Variants in SETD2 observed in about 807,000 individuals in gnomAD.
SETD2 encodes histone-lysine N-methyltransferase SETD2.
Under a neutral mutation model 242.1 loss-of-function variants are expected in SETD2, and 31 were observed. The ratio of observed to expected loss-of-function variants is 0.13; its 90% CI spans 0.10 to 0.17. The LOEUF is 0.17. Among genes scored for constraint, SETD2 ranks in the 10% least tolerant of loss-of-function variants. The pLI is 1.00. For missense variants in SETD2, 2,481 were observed against 3,046.3 expected, an observed-to-expected ratio of 0.81 and a Z score of 4.37; for synonymous variants, 1,006 against 1,066.5, an observed-to-expected ratio of 0.94 and a Z score of 1.11.
At chr3:47,130,292 T>C (rs1444877288) in intron 1 of SETD2, among the ~76,000 whole-genome samples, 1 of 151,966 alleles carries the variant, frequency 6.6e-6, no homozygotes, top group East Asian at 1.9e-4. Context: ...AGGGACAAGA[T>C]ATTGGGGGCT....
chr3:47,051,976 G>A (rs924830615), intron 15 of SETD2, among the ~76,000 whole-genome samples: 4 of 152,080 alleles, frequency 2.6e-5, no homozygotes, highest in Admixed American at 6.5e-5. Flanking sequence ...TCCAAATGTT[G>A]GCTGGGAGAT....
chr3:47,105,288 T>C (rs2042365681), intron 6 of SETD2, among the ~76,000 whole-genome samples: 3 of 151,554 alleles, frequency 2.0e-5, no homozygotes, highest in South Asian at 4.2e-4. Context: ...TGTGTGCCTG[T>C]AGTCCCAGCT....
At chr3:47,062,867 C>G (rs1029422210) in intron 13 of SETD2, among the ~76,000 whole-genome samples, 2 of 151,980 alleles carry the variant, frequency 1.3e-5, no homozygotes, top group Non-Finnish European at 2.9e-5. Flanking sequence ...TGCTTAAGCC[C>G]AGGAGTTCAA....
chr3:47,118,434 T>C (rs2042945365), intron 3 of SETD2, among the ~76,000 whole-genome samples: 1 of 152,064 alleles, frequency 6.6e-6, no homozygotes, highest in Non-Finnish European at 1.5e-5. Flanking sequence ...AAATTTTGAA[T>C]ATATAGGCCA....
intron 3 of SETD2, among the ~76,000 whole-genome samples, chr3:47,118,374 G>A (rs1008422879): frequency 2.0e-5 from 3 of 152,194 alleles, no homozygotes; most frequent in East Asian, 1.9e-4. Context: ...TTTTATAAGA[G>A]TTTGTCTTCT....
At chr3:47,140,792 G>T (rs1455888547) in intron 1 of SETD2, among the ~76,000 whole-genome samples, 2 of 152,110 alleles carry the variant, frequency 1.3e-5, no homozygotes. Flanking sequence ...ATCCCAGTGG[G>T]GTGGAGGTTG....
chr3:47,086,442 C>A, intron 10 of SETD2, 128 bp from the exon 11 acceptor site: 1 of 814,484 alleles, frequency 1.2e-6, no homozygotes, highest in East Asian at 2.9e-5. Context: ...CAAAAAAAAC[C>A]TAGAAACTCT....
rs769273671 is a variant in SETD2 at position 47,122,231 on chromosome 3, G to C, written c.2405C>G (p.Pro802Arg). ...DIYCTLNDSN[P>R]SLCNSEAENI... is the part of the protein sequence containing the mutation. ...TTCAGCTTCAGAGTTACACAAAGAA[G>C]GGTTGCTATCGTTCAAAGTACAGTA... The change falls in exon 3 of 21, where the codon CCT becomes CGT. Residue 802 changes from proline to arginine, a missense_variant. Pro to Arg is a moderately radical substitution (Grantham distance 103). This residue lies in a region of SETD2 where 1,300 missense variants were observed against 1,259.2 expected (regional missense o/e 1.03). Coordinates refer to ENST00000409792, the MANE Select transcript of SETD2 (RefSeq NM_014159.7). The C allele has an allele frequency of 6.2e-7, 1 of 1,614,106 alleles. No individual in the cohort carries two copies. The highest frequency in any genetic ancestry group is 8.5e-7 in the Non-Finnish European group (1 of 1,179,998).
Position 47,072,930 on chromosome 3 carries a change from G to C in SETD2, c.6061-5812C>G, listed in dbSNP as rs181284184. On this transcript the variant is annotated intron_variant, in intron 12 of 20. Transcript: ENST00000409792. ...CCACTGCACTCCAGCCTGGGTGACA[G>C]AGCGAGACTCCATCTCAAAAAAAAA... Among the ~76,000 whole-genome samples, 631 of 146,510 alleles carry C rather than the reference G, an allele frequency of 4.3e-3. 8 individuals carry two copies. The highest frequency in any genetic ancestry group is 0.015 in the African/African-American group (599 of 39,482).
chr3:47,115,203 G>A (rs926434698), intron 4 of SETD2, among the ~76,000 whole-genome samples: 19 of 152,276 alleles, frequency 1.2e-4, no homozygotes, highest in East Asian at 9.7e-4. Flanking sequence ...GTTGCTGGAG[G>A]ATGAAAAGAC....
At position 47,037,786 on chromosome 3, in the gene SETD2, A is replaced by T; in HGVS notation, c.7239-9T>A. On this transcript the variant is annotated splice_polypyrimidine_tract_variant and intron_variant, in intron 17 of 20. Coordinates refer to ENST00000409792, the MANE Select transcript of SETD2 (RefSeq NM_014159.7). The stretch of plus-strand genomic sequence containing the variant: ...GATCCCACTGAGTCTGCCTAGAAAG[A>T]GACAAAAACAGCCATGCTGTCAGGG... 6.3e-7 allele frequency: 1 copy of T among 1,595,448 alleles called. No homozygotes were observed. Among genetic ancestry groups the T allele is most frequent in the Non-Finnish European group, 8.6e-7 (1 of 1,163,186 alleles).
At chr3:47,088,050 C>T (rs2041640539) in intron 10 of SETD2, 63 bp downstream of exon 10, 4 of 1,457,014 alleles carry the variant, frequency 2.7e-6, no homozygotes, top group Middle Eastern at 1.8e-4. Context: ...CTTCTTCATT[C>T]ATCTTCATTC....
intron 1 of SETD2, among the ~76,000 whole-genome samples, chr3:47,163,196 G>A (rs1410868690): frequency 1.3e-5 from 2 of 152,160 alleles, no homozygotes; most frequent in Non-Finnish European, 2.9e-5. Flanking sequence ...CACAAACCTC[G>A]CCATTACAAA....
chr3:47,087,223 AG>A (rs1209308841), intron 10 of SETD2, among the ~76,000 whole-genome samples: 1 of 151,516 alleles, frequency 6.6e-6, no homozygotes, highest in Non-Finnish European at 1.5e-5. Flanking sequence ...AAAAAAAAAA[AG>A]CCACCACATT....
intron 18 of SETD2, among the ~76,000 whole-genome samples, chr3:47,030,699 CTAT>C (rs1438199924): frequency 2.0e-5 from 3 of 151,846 alleles, no homozygotes; most frequent in South Asian, 2.1e-4. Flanking sequence ...TTATTAGAAA[CTAT>C]TATTAAAAAA....
intron 1 of SETD2, among the ~76,000 whole-genome samples, chr3:47,162,957 T>G (rs543288833): frequency 6.6e-6 from 1 of 152,312 alleles, no homozygotes; most frequent in South Asian, 2.1e-4. Context: ...GTGTGTCGGT[T>G]TTCCACAACA....
At chr3:47,039,318 G>C (rs1028533239) in intron 17 of SETD2, among the ~76,000 whole-genome samples, 1 of 151,764 alleles carries the variant, frequency 6.6e-6, no homozygotes, top group Non-Finnish European at 1.5e-5. Context: ...GGGTTCAAGT[G>C]ATTCTCCTGC....
chr3:47,041,903 G>A (rs969953926), intron 17 of SETD2, among the ~76,000 whole-genome samples: 5 of 152,334 alleles, frequency 3.3e-5, no homozygotes, highest in African/African-American at 1.2e-4. Flanking sequence ...CAGCAGAGTT[G>A]AGTAGCTATG....
chr3:47,046,402 C>G (rs974892763), intron 16 of SETD2, 85 bp downstream of exon 16: 2 of 1,236,080 alleles, frequency 1.6e-6, no homozygotes, highest in Admixed American at 5.9e-5. Context: ...AAAAATAAAA[C>G]CCAAAACAAA....
Sources: gnomAD v4.1 joint callset for allele counts (sites outside exome capture counted in the v4.1 genomes callset) on GRCh38, gnomAD v4.1.1 for gene constraint, gnomAD v4.1.1 regional missense constraint, MANE v1.5 for transcripts, NCBI Gene and HGNC (gene_info 2026-07-23, HGNC 2026-07-21) for gene names.